Variants in DAB1 observed in about 807,000 individuals in gnomAD.
The protein encoded by DAB1 is disabled homolog 1.
Under a neutral mutation model 64.6 loss-of-function variants are expected in DAB1, and 15 were observed. That is an observed-to-expected ratio of 0.23 (90% CI 0.16 to 0.36). The LOEUF (loss-of-function observed/expected upper bound fraction) is 0.36, where lower values mean the gene tolerates loss of function less well. Among genes scored for constraint, DAB1 ranks in the 10% least tolerant of loss-of-function variants. The probability of loss-of-function intolerance (pLI) is 1.00; values close to 1 mark genes in which losing one functional copy is unlikely to be tolerated. For synonymous variants in DAB1, 235 were observed against 251.9 expected (o/e 0.93, Z 0.64); for missense variants, 596 against 706.7 (o/e 0.84, Z 1.78).
intron 7 of DAB1, among the ~76,000 whole-genome samples, chr1:57,603,455 G>A (rs552531697): frequency 2.0e-5 from 3 of 152,258 alleles, no homozygotes; most frequent in African/African-American, 7.2e-5. Flanking sequence ...GTCAGATAGC[G>A]TGAAGCCTGA....
chr1:57,022,902 C>T (rs1646666855), intron 11 of DAB1, among the ~76,000 whole-genome samples: 1 of 152,272 alleles, frequency 6.6e-6, no homozygotes, highest in Non-Finnish European at 1.5e-5. Flanking sequence ...TGCTGGGCTC[C>T]ATCCATTTGT....
At chr1:57,356,698 G>A (rs1679135395) in intron 1 of DAB1, among the ~76,000 whole-genome samples, 1 of 152,062 alleles carries the variant, frequency 6.6e-6, no homozygotes, top group African/African-American at 2.4e-5. Flanking sequence ...AAACGATGCA[G>A]TTTGTAGGAA....
At chr1:57,000,771 C>T (rs1217834766) in intron 14 of DAB1, among the ~76,000 whole-genome samples, 1 of 152,128 alleles carries the variant, frequency 6.6e-6, no homozygotes, top group Non-Finnish European at 1.5e-5. Context: ...TTGGATGCCC[C>T]AAGAAGTCAG....
intron 4 of DAB1, chr1:58,228,865 C>A: frequency 1.7e-6 from 1 of 577,640 alleles, no homozygotes; most frequent in South Asian, 1.5e-5. Flanking sequence ...ACCAGCAGGA[C>A]AGAGGCCCAG....
chr1:57,574,738 C>T (rs775698222), intron 7 of DAB1, among the ~76,000 whole-genome samples: 116 of 152,136 alleles, frequency 7.6e-4, no homozygotes, highest in Non-Finnish European at 1.2e-3. Context: ...CATGCCAGAT[C>T]CCACCTGTTG....
chr1:58,462,645 TG>T (rs1645255771), intron 3 of DAB1: 1 of 152,150 alleles, frequency 6.6e-6, no homozygotes, highest in African/African-American at 2.4e-5. Flanking sequence ...GGTCAGAATA[TG>T]GGGAGCCATT....
At chr1:57,435,481 G>T (rs886857116) in intron 7 of DAB1, among the ~76,000 whole-genome samples, 1 of 152,046 alleles carries the variant, frequency 6.6e-6, no homozygotes, top group Non-Finnish European at 1.5e-5. Flanking sequence ...ACATTGTAAA[G>T]CTGTATAAAC....
At chr1:57,423,006 T>G (rs1263811004) in intron 1 of DAB1, among the ~76,000 whole-genome samples, 1 of 151,724 alleles carries the variant, frequency 6.6e-6, no homozygotes, top group African/African-American at 2.4e-5. Context: ...AAATTTACTT[T>G]GTACACTCAC....
chr1:57,456,853 A>G (rs1463906956), intron 7 of DAB1, among the ~76,000 whole-genome samples: 1 of 152,120 alleles, frequency 6.6e-6, no homozygotes, highest in Admixed American at 6.6e-5. Context: ...AACTGGGCAG[A>G]CAAACCTCTC....
chr1:58,286,677 G>C (rs1661693275), intron 4 of DAB1, among the ~76,000 whole-genome samples: 1 of 152,202 alleles, frequency 6.6e-6, no homozygotes, highest in Admixed American at 6.5e-5. Context: ...GACTGATGCT[G>C]GCATGGCTGT....
At chr1:58,396,391 C>CT (rs1218464801) in intron 3 of DAB1, among the ~76,000 whole-genome samples, 1 of 151,822 alleles carries the variant, frequency 6.6e-6, no homozygotes, top group Non-Finnish European at 1.5e-5. Context: ...AGTCCTTTCT[C>CT]TTTTTTTTCG....
At chr1:57,516,355 A>C (rs1249767653) in intron 7 of DAB1, among the ~76,000 whole-genome samples, 1 of 133,188 alleles carries the variant, frequency 7.5e-6, no homozygotes, top group Non-Finnish European at 1.5e-5. Context: ...AAGAAGGAAA[A>C]GAAGATTATA....
At chr1:58,527,178 A>G in intron 2 of DAB1, 7 of 795,302 alleles carry the variant, frequency 8.8e-6, no homozygotes, top group Non-Finnish European at 1.4e-5. Flanking sequence ...TTCTCTGCTT[A>G]TGCCAAGCCT....
chr1:57,678,759 C>T (rs1313955378), intron 6 of DAB1, among the ~76,000 whole-genome samples: 1 of 89,130 alleles, frequency 1.1e-5, no homozygotes, highest in African/African-American at 4.9e-5. Context: ...AGTGAGGCAA[C>T]TGTTTTTTGT....
intron 6 of DAB1, among the ~76,000 whole-genome samples, chr1:57,663,518 A>G (rs1451867400): frequency 1.3e-5 from 2 of 152,208 alleles, no homozygotes. Flanking sequence ...AACAGGTATG[A>G]CTTGATGTTT....
intron 3 of DAB1, among the ~76,000 whole-genome samples, chr1:58,384,639 G>A (rs1053227091): frequency 2.0e-5 from 3 of 152,150 alleles, no homozygotes; most frequent in Non-Finnish European, 4.4e-5. Flanking sequence ...TGCAAGCTGA[G>A]GAGCAAGGAC....
chr1:57,650,231 A>G (rs1376620378), intron 6 of DAB1, among the ~76,000 whole-genome samples: 1 of 152,088 alleles, frequency 6.6e-6, no homozygotes, highest in African/African-American at 2.4e-5. Flanking sequence ...TGCAGCCTCA[A>G]CCTCCTAGGC....
At chr1:58,261,188 A>G (rs1557717497) in intron 4 of DAB1, among the ~76,000 whole-genome samples, 1 of 152,220 alleles carries the variant, frequency 6.6e-6, no homozygotes, top group Non-Finnish European at 1.5e-5. Flanking sequence ...CTATGTCTTT[A>G]AACTGCATTC....
At chr1:57,741,201 A>G (rs747168766) in intron 6 of DAB1, among the ~76,000 whole-genome samples, 12 of 152,164 alleles carry the variant, frequency 7.9e-5, no homozygotes, top group Non-Finnish European at 1.8e-4. Context: ...TGCCTACTTC[A>G]TTTCCTTATT....
Sources: allele counts gnomAD v4.1 joint callset (sites outside exome capture counted in the v4.1 genomes callset), GRCh38; gene constraint gnomAD v4.1.1; transcripts MANE v1.5; gene names NCBI Gene and HGNC (gene_info 2026-07-23, HGNC 2026-07-21).